C3orf20: variants seen among roughly 807,000 people sequenced by gnomAD.
C3orf20 encodes the protein uncharacterized protein C3orf20.
A neutral mutation model predicts 88.3 loss-of-function variants in C3orf20; 76 were observed. That is an observed-to-expected ratio of 0.86 (90% confidence interval 0.72 to 1.04). The LOEUF (loss-of-function observed/expected upper bound fraction) is 1.04. Among genes scored for constraint, C3orf20 ranks in the 50% least tolerant of loss-of-function variants. The pLI, the probability that C3orf20 is intolerant of heterozygous loss-of-function variation, is 0.00. For synonymous variants in C3orf20, 436 were observed against 437.4 expected (o/e 1.00, Z 0.04); for missense variants, 1,056 against 1,123.3 (o/e 0.94, Z 0.86).
At chr3:14,743,447 A>G (rs1171551910) in intron 12 of C3orf20, among the ~76,000 whole-genome samples, 2 of 151,942 alleles carry the variant, frequency 1.3e-5, no homozygotes, top group African/African-American at 2.4e-5. Context: ...GGCTCCTTTC[A>G]TGGGCTGACG....
intron 15 of C3orf20, among the ~76,000 whole-genome samples, chr3:14,766,640 C>T (rs1263894376): frequency 6.6e-6 from 1 of 152,228 alleles, no homozygotes; most frequent in Non-Finnish European, 1.5e-5. Context: ...AGAGGTGCTG[C>T]CCGGCTGCAC....
At chr3:14,744,199 T>G (rs2034994935) in intron 12 of C3orf20, among the ~76,000 whole-genome samples, 1 of 151,960 alleles carries the variant, frequency 6.6e-6, no homozygotes, top group East Asian at 1.9e-4. Context: ...GCTTAGAAAT[T>G]TCTTCCACCA....
In C3orf20 at chr3:14,760,650, C is replaced by A. The variant is rs527596487; in HGVS notation, c.2352+652C>A. 4.3e-4 allele frequency among the ~76,000 whole-genome samples: 61 copies of A among 143,398 alleles called. 1 individual carries two copies. The highest frequency in any genetic ancestry group is 1.5e-3 in the African/African-American group (59 of 39,664). 94.1% of individuals were successfully genotyped at this position (143,398 alleles called of 152,430 possible). On this transcript the variant is annotated intron_variant, in intron 14 of 16. Coordinates refer to ENST00000253697, the MANE Select transcript of C3orf20 (RefSeq NM_032137.5). ...TTTGAGACAGAGTCTCACTCTCTCA[C>A]CCAGGCTGGAGTGCAGTGGTGTAAT...
chr3:14,681,197 T>C (rs1456923291), intron 1 of C3orf20, among the ~76,000 whole-genome samples: 15 of 152,176 alleles, frequency 9.9e-5, no homozygotes, highest in Admixed American at 5.9e-4. Context: ...AGAAAGATGA[T>C]AGCCTTCTCA....
chr3:14,720,085 A>G (rs1167503266), intron 9 of C3orf20, among the ~76,000 whole-genome samples: 1 of 151,904 alleles, frequency 6.6e-6, no homozygotes, highest in African/African-American at 2.4e-5. Flanking sequence ...GCTGGAGTGT[A>G]GTGGCGTGAT....
intron 12 of C3orf20, among the ~76,000 whole-genome samples, chr3:14,751,421 G>A (rs531550261): frequency 1.4e-4 from 21 of 152,298 alleles, no homozygotes; most frequent in African/African-American, 4.8e-4. Flanking sequence ...GCAGGGTGTC[G>A]CCTCACCCAG....
intron 10 of C3orf20, chr3:14,722,200 T>C: frequency 6.8e-6 from 2 of 295,682 alleles, no homozygotes; most frequent in Non-Finnish European, 1.3e-5. Context: ...AAGATGACCA[T>C]GAACATCTCT....
At chr3:14,748,103 C>T (rs1410096803) in intron 12 of C3orf20, among the ~76,000 whole-genome samples, 1 of 151,720 alleles carries the variant, frequency 6.6e-6, no homozygotes, top group African/African-American at 2.4e-5. Context: ...TATCTAGTTC[C>T]AGGCTTTTCT....
At chr3:14,688,811 A>G (rs1251093309) in intron 4 of C3orf20, among the ~76,000 whole-genome samples, 4 of 152,066 alleles carry the variant, frequency 2.6e-5, no homozygotes, top group Admixed American at 2.0e-4. Context: ...ATATATATTT[A>G]GAGTATTGCA....
chr3:14,760,095 G>A, intron 14 of C3orf20, 97 bp downstream of exon 14: 1 of 916,194 alleles, frequency 1.1e-6, no homozygotes, highest in Non-Finnish European at 1.8e-6. Flanking sequence ...GAGGAGAGAG[G>A]AGAAGAAGGG....
In C3orf20 at chr3:14,714,246, G is replaced by A. The variant is rs2033862590; in HGVS notation, c.1313+87G>A. The A allele has an allele frequency of 2.1e-6, 3 of 1,463,330 alleles. No homozygotes were observed. In the Admixed American group the frequency reaches 5.7e-5, roughly 28 times the overall value. The allele number at this position is 1,463,330 out of a possible 1,614,324, so 90.6% of individuals were successfully genotyped here. A position where few individuals can be genotyped will look rare whatever the true frequency, so the allele number is the denominator to read the frequency against. On this transcript the variant is annotated intron_variant, in intron 8 of 16. Transcript: ENST00000253697. ...CTGAGGTGGTGACTACGAGTCCCTG[G>A]TTAAAGAAGAAGCCAGGCGGTGTCC... is the stretch of plus-strand genomic sequence containing the variant.
At chr3:14,690,396 A>C (rs2032667919) in intron 5 of C3orf20, among the ~76,000 whole-genome samples, 2 of 152,188 alleles carry the variant, frequency 1.3e-5, no homozygotes, top group Non-Finnish European at 2.9e-5. Context: ...CTCTGGGACA[A>C]CATCCCACCA....
chr3:14,734,814 T>C (rs1364059616), intron 12 of C3orf20, among the ~76,000 whole-genome samples: 1 of 152,132 alleles, frequency 6.6e-6, no homozygotes, highest in Non-Finnish European at 1.5e-5. Context: ...ACGATAATTT[T>C]GGAGCTCTCT....
At chr3:14,689,660 A>G (rs559572284) in intron 4 of C3orf20, among the ~76,000 whole-genome samples, 19 of 152,244 alleles carry the variant, frequency 1.2e-4, no homozygotes, top group Admixed American at 1.2e-3. Flanking sequence ...TTGCTGGCCC[A>G]AGGCTTATCC....
intron 12 of C3orf20, among the ~76,000 whole-genome samples, chr3:14,737,423 T>G (rs1006477196): frequency 3.3e-5 from 5 of 152,244 alleles, no homozygotes; most frequent in Admixed American, 3.3e-4. Flanking sequence ...ATCACACAAA[T>G]TTTTTGGTTT....
intron 9 of C3orf20, among the ~76,000 whole-genome samples, chr3:14,716,935 A>C (rs898712914): frequency 1.3e-5 from 2 of 152,146 alleles, no homozygotes; most frequent in South Asian, 4.2e-4. Context: ...GCCCCAGTCT[A>C]GGGGTGTGTT....
intron 12 of C3orf20, among the ~76,000 whole-genome samples, chr3:14,737,176 C>T (rs770965571): frequency 6.6e-6 from 1 of 152,070 alleles, no homozygotes; most frequent in Non-Finnish European, 1.5e-5. Context: ...AAAAAATTCT[C>T]AGCTATTATT....
Position 14,757,560 on chromosome 3 carries a change from G to A in C3orf20, c.2130G>A (p.Val710=). 1.2e-6 allele frequency: 2 copies of A among 1,614,138 alleles called. No individual in the cohort carries two copies. The highest frequency in any genetic ancestry group is 1.7e-6 in the Non-Finnish European group (2 of 1,180,002). Residue 710 remains valine, a synonymous_variant, in exon 13 of 17, where the codon GTG becomes GTA. Transcript: ENST00000253697. ...FLLAPRDPSQ[V]LVFGIISSQN... The stretch of plus-strand genomic sequence containing the variant: ...TGGCGCCCCGAGACCCCAGCCAAGT[G>A]CTGGTGTTTGGGATCATCTCAAGCC...
chr3:14,753,093 A>T (rs2035265413), intron 12 of C3orf20, among the ~76,000 whole-genome samples: 1 of 152,228 alleles, frequency 6.6e-6, no homozygotes. Context: ...CAACCCAGAC[A>T]TCCATCAATA....
Sources: allele counts gnomAD v4.1 joint callset (sites outside exome capture counted in the v4.1 genomes callset), GRCh38; gene constraint gnomAD v4.1.1; transcripts MANE v1.5; gene names NCBI Gene and HGNC (gene_info 2026-07-23, HGNC 2026-07-21).